Variants in PHF12 observed in about 807,000 individuals in gnomAD.
The protein encoded by PHF12 is PHD finger protein 12.
In PHF12, 6 loss-of-function variants were observed where a neutral mutation model predicts 99.8. That is an observed-to-expected ratio of 0.06 (90% CI 0.03 to 0.12). The LOEUF is 0.12. PHF12 is among the 10% of genes least tolerant of loss of function. The pLI is 1.00. For missense variants in PHF12, 954 were observed against 1,300.1 expected (o/e 0.73, Z 4.09); for synonymous variants, 480 against 514.9 (o/e 0.93, Z 0.92).
At chr17:28,937,396 C>T (rs2040529344) in intron 2 of PHF12, among the ~76,000 whole-genome samples, 2 of 152,204 alleles carry the variant, frequency 1.3e-5, no homozygotes, top group African/African-American at 2.4e-5. Context: ...TGGCTACTGA[C>T]TCAAACACCA....
In PHF12 at chr17:28,905,903, C is replaced by G. The variant is rs937895600; in HGVS notation, c.*280G>C. 3 of 325,694 alleles carry G rather than the reference C, an allele frequency of 9.2e-6. No individual in the cohort carries two copies. Among genetic ancestry groups the G allele is most frequent in the Non-Finnish European group, 1.7e-5 (3 of 179,558 alleles). 20.2% of individuals were successfully genotyped at this position (325,694 alleles called of 1,614,324 possible). A position where few individuals can be genotyped will look rare whatever the true frequency, so the allele number is the denominator to read the frequency against. On this transcript the variant is annotated 3_prime_UTR_variant, in exon 15 of 15. Coordinates refer to ENST00000332830, the MANE Select transcript of PHF12 (RefSeq NM_001033561.2). ...TTGTGTTGGAGGAAGTGTCCAGACC[C>G]TGGGTCTTTCCCTCCCTGCCCACGC...
At chr17:28,946,054 T>C (rs2040715980) in intron 2 of PHF12, among the ~76,000 whole-genome samples, 2 of 152,196 alleles carry the variant, frequency 1.3e-5, no homozygotes. Context: ...GAGAATTGCT[T>C]GAGCCCGGGA....
At chr17:28,908,944 C>T in intron 11 of PHF12, 63 bp from the exon 12 acceptor site, 1 of 1,467,456 alleles carries the variant, frequency 6.8e-7, no homozygotes, top group Non-Finnish European at 9.4e-7. Flanking sequence ...CAAACATAAA[C>T]CAACAAAATC....
At chr17:28,914,976 A>G (rs2040037007) in intron 7 of PHF12, among the ~76,000 whole-genome samples, 1 of 152,230 alleles carries the variant, frequency 6.6e-6, no homozygotes, top group Non-Finnish European at 1.5e-5. Context: ...GCCCTCAAGG[A>G]GCTCACAGTC....
intron 2 of PHF12, among the ~76,000 whole-genome samples, chr17:28,946,653 C>T (rs940753328): frequency 6.6e-6 from 1 of 152,214 alleles, no homozygotes; most frequent in Non-Finnish European, 1.5e-5. Context: ...TAGAGAACCA[C>T]AGCAGCACTG....
chr17:28,911,241 G>C lies in PHF12; in HGVS notation c.2090-4C>G, dbSNP rs1598118430. The C allele has an allele frequency of 6.2e-7, 1 of 1,614,070 alleles. No homozygotes were observed. The highest frequency in any genetic ancestry group is 8.5e-7 in the Non-Finnish European group (1 of 1,179,988). On this transcript the variant is annotated splice_polypyrimidine_tract_variant and splice_region_variant and intron_variant, in intron 9 of 14. Coordinates refer to ENST00000332830, the MANE Select transcript of PHF12 (RefSeq NM_001033561.2). ...GTGCCGGGGCTGACCTTGCCATCTG[G>C]GGACGGAGCAGGAAGACTGTTACTT...
chr17:28,949,932 T>C lies in PHF12; in HGVS notation c.248+133A>G. On this transcript the variant is annotated intron_variant, in intron 2 of 14. Transcript: ENST00000332830. This position sits in a 1 kb window ranked among gnomAD's most constrained non-coding sequence, Gnocchi z 4.6. ...CGGACACCTGGGGGCGGGGAGGTGC[T>C]CGCCCCGGCAGCTGCAGAAAGTCAG... 1 of 1,073,766 alleles carries C rather than the reference T, an allele frequency of 9.3e-7. No individual in the cohort carries two copies. Among genetic ancestry groups the C allele is most frequent in the Non-Finnish European group, 1.3e-6 (1 of 761,074 alleles). 66.5% of individuals were successfully genotyped at this position (1,073,766 alleles called of 1,614,324 possible). A position where few individuals can be genotyped will look rare whatever the true frequency, so the allele number is the denominator to read the frequency against.
chr17:28,914,253 C>T (rs2152659387), intron 7 of PHF12, among the ~76,000 whole-genome samples: 1 of 152,286 alleles, frequency 6.6e-6, no homozygotes, highest in South Asian at 2.1e-4. Context: ...ACAGAAACCA[C>T]TGCGTTCTGT....
intron 2 of PHF12, among the ~76,000 whole-genome samples, chr17:28,931,580 G>A (rs1702089770): frequency 6.7e-6 from 1 of 150,072 alleles, no homozygotes; most frequent in African/African-American, 2.5e-5. Flanking sequence ...CTTAAGATCT[G>A]CTTTTTTTTT....
intron 8 of PHF12, 77 bp from the exon 9 acceptor site, chr17:28,913,354 C>A: frequency 6.6e-7 from 1 of 1,525,248 alleles, no homozygotes; most frequent in Non-Finnish European, 8.8e-7. Flanking sequence ...GCCAGGGCTG[C>A]AGCAGAGCTG....
intron 2 of PHF12, chr17:28,929,887 T>C (rs1193279489): frequency 6.6e-6 from 1 of 152,204 alleles, no homozygotes; most frequent in Non-Finnish European, 1.5e-5. Flanking sequence ...CTGAAATGCA[T>C]GCAAGTAATT....
chr17:28,927,155 T>C (rs550816308), intron 2 of PHF12, 92 bp from the exon 3 acceptor site: 20 of 1,178,866 alleles, frequency 1.7e-5, no homozygotes, highest in Admixed American at 5.9e-5. Flanking sequence ...TAAACTCCTA[T>C]TGTGGCCAGT....
intron 7 of PHF12, among the ~76,000 whole-genome samples, chr17:28,914,325 G>C (rs1449417274): frequency 2.6e-5 from 4 of 152,240 alleles, no homozygotes; most frequent in African/African-American, 9.6e-5. Flanking sequence ...GTGGTACTCT[G>C]GGTTCTTATT....
At chr17:28,917,079 C>T (rs900416278) in intron 7 of PHF12, among the ~76,000 whole-genome samples, 2 of 152,138 alleles carry the variant, frequency 1.3e-5, no homozygotes, top group African/African-American at 2.4e-5. Flanking sequence ...TGGTAGACTT[C>T]GAAGGCTAAC....
Position 28,910,048 on chromosome 17 carries a change from G to C in PHF12, c.2359+178C>G, listed in dbSNP as rs1354621588. The stretch of plus-strand genomic sequence containing the variant: ...CCCCAAGTCTGATCAGAAAGCTGTG[G>C]TTGCCATCTTGTTCCTGCTCTCTTC... On this transcript the variant is annotated intron_variant, in intron 11 of 14. Transcript: ENST00000332830. 3 of 890,242 alleles carry C rather than the reference G, an allele frequency of 3.4e-6. No individual in the cohort carries two copies. The Admixed American group carries it at 5.9e-5, about 18-fold the overall frequency. The allele number at this position is 890,242 out of a possible 1,614,324, so 55.1% of individuals were successfully genotyped here. A position where few individuals can be genotyped will look rare whatever the true frequency, so the allele number is the denominator to read the frequency against.
Position 28,950,632 on chromosome 17 carries a change from G to C in PHF12, c.66+263C>G. 1.8e-6 allele frequency: 1 copy of C among 547,414 alleles called. No homozygotes were observed. 33.9% of individuals were successfully genotyped at this position (547,414 alleles called of 1,614,324 possible). A position where few individuals can be genotyped will look rare whatever the true frequency, so the allele number is the denominator to read the frequency against. On this transcript the variant is annotated intron_variant, in intron 1 of 14. Transcript: ENST00000332830. This position sits in a 1 kb window ranked among gnomAD's most constrained non-coding sequence, Gnocchi z 5.7. Reference sequence around the variant, plus strand: ...GGGGCCAACAAGAAGGGGGTGGGGAGGCCTGCCGGTGCAACGAGATGGAGT... The same window carrying C: ...GGGGCCAACAAGAAGGGGGTGGGGACGCCTGCCGGTGCAACGAGATGGAGT...
Position 28,910,229 on chromosome 17 carries a change from C to G in PHF12, c.2356G>C (p.Glu786Gln), listed in dbSNP as rs138320101. The change falls in exon 11 of 15, where the codon GAA (glutamate) becomes CAA (glutamine). Residue 786 changes from glutamate to glutamine, a missense_variant. Physicochemically the swap from Glu to Gln is conservative, Grantham distance 29. Around this residue, in one of 8 missense-constraint regions of PHF12, gnomAD observed 143 missense variants for 191.8 expected, o/e 0.75. Transcript: ENST00000332830. Reference sequence around the variant, plus strand: ...TGACAGGTGTGTACATGCGCACCTTCTATGTGGTGCCCTCCAGAAGCCAGC... The same window carrying G: ...TGACAGGTGTGTACATGCGCACCTTGTATGTGGTGCCCTCCAGAAGCCAGC... ...HQLASGGHHIEVQRKEVQARA... is the reference protein window; with the variant it reads ...HQLASGGHHIQVQRKEVQARA... 2 of 1,614,102 alleles carry G rather than the reference C, an allele frequency of 1.2e-6. No homozygotes were observed. The highest frequency in any genetic ancestry group is 2.7e-5 in the African/African-American group (2 of 74,934).
At chr17:28,912,421 C>T in intron 9 of PHF12, 61 bp downstream of exon 9, 1 of 1,520,034 alleles carries the variant, frequency 6.6e-7, no homozygotes, top group Non-Finnish European at 8.8e-7. Context: ...CTTTTAGAAT[C>T]TTATTTGCCA....
chr17:28,932,398 T>C, intron 2 of PHF12, among the ~76,000 whole-genome samples: 1 of 152,130 alleles, frequency 6.6e-6, no homozygotes, highest in African/African-American at 2.4e-5. Flanking sequence ...CCTTCCAAAG[T>C]GCTGGGATTA....
Sources: allele counts gnomAD v4.1 joint callset (sites outside exome capture counted in the v4.1 genomes callset), GRCh38; gene constraint gnomAD v4.1.1; regional missense constraint gnomAD v4.1.1; non-coding constraint Gnocchi (gnomAD v3.1); transcripts MANE v1.5; gene names NCBI Gene and HGNC (gene_info 2026-07-23, HGNC 2026-07-21).